FGD4: variants seen among roughly 807,000 people sequenced by gnomAD.
The protein encoded by FGD4 is FYVE, RhoGEF and PH domain-containing protein 4.
In FGD4, 42 loss-of-function variants were observed where a neutral mutation model predicts 102.0. That is an observed-to-expected ratio of 0.41 (90% CI 0.32 to 0.53). The LOEUF (loss-of-function observed/expected upper bound fraction) is 0.53. Ranked by LOEUF, FGD4 falls within the 20% of genes least tolerant of loss-of-function variation. The pLI, the probability that FGD4 is intolerant of heterozygous loss-of-function variation, is 0.21. For missense variants in FGD4, 902 were observed against 1,078.2 expected (o/e 0.84, Z 2.29); for synonymous variants, 380 against 375.7 (o/e 1.01, Z -0.13).
intron 1 of FGD4, among the ~76,000 whole-genome samples, chr12:32,472,598 C>G (rs1451963671): frequency 6.6e-6 from 1 of 152,236 alleles, no homozygotes; most frequent in Non-Finnish European, 1.5e-5. Flanking sequence ...TCCTGTGTGG[C>G]CCAAGCCTCC....
chr12:32,493,676 C>G (rs539518471), intron 1 of FGD4, among the ~76,000 whole-genome samples: 1 of 152,340 alleles, frequency 6.6e-6, no homozygotes, highest in East Asian at 1.9e-4. Flanking sequence ...GCACCTACTG[C>G]ATGCCAGACA....
chr12:32,405,456 T>C (rs1211802007), intron 1 of FGD4, among the ~76,000 whole-genome samples: 1 of 150,924 alleles, frequency 6.6e-6, no homozygotes, highest in Non-Finnish European at 1.5e-5. Flanking sequence ...ATGGGGTTTC[T>C]CCAAGTTGGT....
intron 2 of FGD4, among the ~76,000 whole-genome samples, chr12:32,565,752 T>TTA (rs1192756746): frequency 6.6e-6 from 1 of 152,208 alleles, no homozygotes; most frequent in Admixed American, 6.5e-5. Context: ...TGTTGTGTAG[T>TTA]TATATTAAAG....
At chr12:32,514,390 A>G (rs1592067260) in intron 1 of FGD4, among the ~76,000 whole-genome samples, 1 of 152,180 alleles carries the variant, frequency 6.6e-6, no homozygotes, top group East Asian at 1.9e-4. Flanking sequence ...CTTTTCCCTC[A>G]GCCACGTTAG....
intron 1 of FGD4, among the ~76,000 whole-genome samples, chr12:32,559,788 T>A (rs1415615249): frequency 6.6e-6 from 1 of 152,260 alleles, no homozygotes; most frequent in Non-Finnish European, 1.5e-5. Flanking sequence ...TATTTCTAAA[T>A]AGACTGTCAA....
intron 1 of FGD4, among the ~76,000 whole-genome samples, chr12:32,555,569 C>CT (rs776546962): frequency 0.048 from 5,688 of 118,708 alleles, 250 homozygotes; most frequent in African/African-American, 0.084. Flanking sequence ...GAGACAAGGT[C>CT]TTTTTTTTTT....
At chr12:32,562,045 G>A (rs1944641435) in intron 1 of FGD4, among the ~76,000 whole-genome samples, 1 of 152,118 alleles carries the variant, frequency 6.6e-6, no homozygotes, top group Non-Finnish European at 1.5e-5. Context: ...GTTTCAAATC[G>A]AGCCATTCTT....
At chr12:32,463,720 CAAG>C (rs1393638892) in intron 1 of FGD4, among the ~76,000 whole-genome samples, 1 of 152,202 alleles carries the variant, frequency 6.6e-6, no homozygotes, top group East Asian at 1.9e-4. Context: ...ACTTAGGCTC[CAAG>C]TTTCTTTTAA....
At chr12:32,573,383 C>CCAATA (rs1801533757) in intron 2 of FGD4, among the ~76,000 whole-genome samples, 2 of 152,214 alleles carry the variant, frequency 1.3e-5, no homozygotes, top group African/African-American at 4.8e-5. Flanking sequence ...GCGTGAGCCG[C>CCAATA]CGCCCCTGGC....
At chr12:32,519,508 G>A (rs1940275228) in intron 1 of FGD4, among the ~76,000 whole-genome samples, 1 of 151,692 alleles carries the variant, frequency 6.6e-6, no homozygotes, top group Non-Finnish European at 1.5e-5. Flanking sequence ...TAAAATCTTC[G>A]GCCAGGTGCA....
intron 10 of FGD4, among the ~76,000 whole-genome samples, chr12:32,615,547 T>G (rs59860008): frequency 0.15 from 23,046 of 152,052 alleles, 2,030 homozygotes; most frequent in Middle Eastern, 0.26. Flanking sequence ...GTAATATAGA[T>G]AGCTAAATAG....
chr12:32,429,168 C>T (rs565274311), intron 1 of FGD4, among the ~76,000 whole-genome samples: 43 of 152,168 alleles, frequency 2.8e-4, no homozygotes, highest in Non-Finnish European at 4.1e-4. Context: ...AATTTATCTA[C>T]CTTTGGTCTT....
chr12:32,421,536 TG>T (rs1468528654), intron 1 of FGD4, among the ~76,000 whole-genome samples: 8 of 152,242 alleles, frequency 5.3e-5, no homozygotes, highest in Non-Finnish European at 8.8e-5. Flanking sequence ...CAGGAATTTC[TG>T]TATTTCTTTT....
At chr12:32,623,546 C>T (rs1306852988) in intron 11 of FGD4, among the ~76,000 whole-genome samples, 1 of 152,080 alleles carries the variant, frequency 6.6e-6, no homozygotes, top group Non-Finnish European at 1.5e-5. Context: ...TGTTTCATAC[C>T]TGTAGGAATC....
At chr12:32,501,319 T>G (rs1938200753) in intron 1 of FGD4, among the ~76,000 whole-genome samples, 2 of 152,228 alleles carry the variant, frequency 1.3e-5, no homozygotes, top group Non-Finnish European at 1.5e-5. Context: ...TTTTCTAGAT[T>G]TATAGTTTAC....
At chr12:32,490,479 C>T (rs1402274713) in intron 1 of FGD4, among the ~76,000 whole-genome samples, 3 of 149,848 alleles carry the variant, frequency 2.0e-5, no homozygotes, top group Non-Finnish European at 4.4e-5. Context: ...TCACTGCAAC[C>T]TCCACCTCCC....
chr12:32,591,110 G>A (rs1188560857), intron 4 of FGD4, among the ~76,000 whole-genome samples: 1 of 151,876 alleles, frequency 6.6e-6, no homozygotes, highest in African/African-American at 2.4e-5. Flanking sequence ...CCAGAGAATG[G>A]GCTTTAGGGA....
chr12:32,607,994 A>G lies in FGD4; in HGVS notation c.1442A>G (p.His481Arg). The change falls in exon 8 of 17, where the codon CAC becomes CGC. Residue 481 changes from histidine to arginine, a missense_variant. By Grantham distance (29) the His-to-Arg change is conservative. Transcript: ENST00000534526. ...KICGSLTLQH[H>R]MLEPVQRIPR... ...TGTGGGAGCTTAACTTTGCAGCATC[A>G]CATGCTAGAACCTGTTCAGCGGATT... is the stretch of plus-strand genomic sequence containing the variant. 2.5e-6 allele frequency: 4 copies of G among 1,614,236 alleles called. No individual in the cohort carries two copies. The highest frequency in any genetic ancestry group is 3.4e-6 in the Non-Finnish European group (4 of 1,180,032).
chr12:32,530,766 T>C (rs895601155), intron 1 of FGD4, among the ~76,000 whole-genome samples: 2 of 152,074 alleles, frequency 1.3e-5, no homozygotes, highest in Non-Finnish European at 2.9e-5. Context: ...TACAAATGGA[T>C]AATGTATGGG....
Sources: gnomAD v4.1 joint callset for allele counts (sites outside exome capture counted in the v4.1 genomes callset) on GRCh38, gnomAD v4.1.1 for gene constraint, MANE v1.5 for transcripts, NCBI Gene and HGNC (gene_info 2026-07-23, HGNC 2026-07-21) for gene names.